Variants in PRDM16 observed in about 807,000 individuals in gnomAD.
PRDM16 encodes histone-lysine N-methyltransferase PRDM16.
Under a neutral mutation model 110.6 loss-of-function variants are expected in PRDM16, and 23 were observed. That is an observed-to-expected ratio of 0.21 (90% confidence interval 0.15 to 0.29). PRDM16 has a LOEUF of 0.29. Ranked by LOEUF, PRDM16 falls within the 10% of genes least tolerant of loss-of-function variation. The pLI, the probability that PRDM16 is intolerant of heterozygous loss-of-function variation, is 1.00. For synonymous variants in PRDM16, 799 were observed against 781.8 expected, an observed-to-expected ratio of 1.02 and a Z score of -0.37; for missense variants, 1,615 against 1,794.3, an observed-to-expected ratio of 0.90 and a Z score of 1.81.
intron 3 of PRDM16, among the ~76,000 whole-genome samples, chr1:3,360,223 G>A (rs758607282): frequency 1.2e-4 from 18 of 152,218 alleles, no homozygotes; most frequent in African/African-American, 2.9e-4. Flanking sequence ...AGCTGAGGGC[G>A]CTTGCGGGCC....
At chr1:3,090,090 A>G (rs1191882004) in intron 1 of PRDM16, among the ~76,000 whole-genome samples, 2 of 152,246 alleles carry the variant, frequency 1.3e-5, no homozygotes, top group African/African-American at 4.8e-5. Context: ...TACAAAGGCA[A>G]ACAAACCCCC....
intron 2 of PRDM16, among the ~76,000 whole-genome samples, chr1:3,217,817 C>T (rs1390447898): frequency 6.6e-6 from 1 of 152,214 alleles, no homozygotes; most frequent in Non-Finnish European, 1.5e-5. Context: ...GCGCGCTCTT[C>T]CCCCTAGAAG....
chr1:3,292,224 C>G (rs961335209), intron 3 of PRDM16, among the ~76,000 whole-genome samples: 2 of 152,182 alleles, frequency 1.3e-5, no homozygotes, highest in African/African-American at 2.4e-5. Context: ...AGGAACCTGC[C>G]GTGGCCCGGC....
At chr1:3,420,332 C>T (rs1308633481) in intron 12 of PRDM16, among the ~76,000 whole-genome samples, 4 of 152,176 alleles carry the variant, frequency 2.6e-5, no homozygotes, top group Non-Finnish European at 5.9e-5. Context: ...GGGAAAGTGC[C>T]GGCCATCCCC....
At chr1:3,142,510 A>T (rs990295978) in intron 1 of PRDM16, among the ~76,000 whole-genome samples, 17 of 151,784 alleles carry the variant, frequency 1.1e-4, no homozygotes, top group Admixed American at 1.3e-4. Flanking sequence ...GTCGAACGGG[A>T]TGCACAAAAG....
chr1:3,423,353 G>A (rs1557668437), intron 12 of PRDM16, among the ~76,000 whole-genome samples: 2 of 152,214 alleles, frequency 1.3e-5, no homozygotes, highest in African/African-American at 4.8e-5. Context: ...CCCGGCAGCA[G>A]CACCCGGAAG....
intron 1 of PRDM16, among the ~76,000 whole-genome samples, chr1:3,181,008 G>T (rs1015861645): frequency 1.5e-5 from 2 of 137,416 alleles, no homozygotes; most frequent in Admixed American, 7.1e-5. Context: ...TCTTACACGC[G>T]GTCTTACAAA....
At position 3,350,065 on chromosome 1, in the gene PRDM16, G is replaced by T. The variant is rs554578501; in HGVS notation, c.439-35087G>T. On this transcript the variant is annotated intron_variant, in intron 3 of 16. Coordinates refer to ENST00000270722, the MANE Select transcript of PRDM16 (RefSeq NM_022114.4). This position sits in a 1 kb window ranked among gnomAD's most constrained non-coding sequence, Gnocchi z 7.1. The stretch of plus-strand genomic sequence containing the variant: ...GGGCAGAAAAGACCTGGGGCCAGGT[G>T]CAGTGGCCCAAAATCCCAGCACCTT... Among the ~76,000 whole-genome samples the T allele has an allele frequency of 6.6e-6, 1 of 152,342 alleles. No individual in the cohort carries two copies. The highest frequency in any genetic ancestry group is 2.4e-5 in the African/African-American group (1 of 41,580).
intron 4 of PRDM16, among the ~76,000 whole-genome samples, chr1:3,391,815 G>A (rs1222879869): frequency 1.3e-5 from 2 of 152,212 alleles, no homozygotes; most frequent in Admixed American, 6.5e-5. Context: ...AATTGAGGCC[G>A]GCCAGAGGCA....
chr1:3,107,548 T>G (rs1162830399), intron 1 of PRDM16, among the ~76,000 whole-genome samples: 1 of 152,240 alleles, frequency 6.6e-6, no homozygotes, highest in Non-Finnish European at 1.5e-5. Context: ...ACCGCCATCC[T>G]CATCTCAGAG....
intron 8 of PRDM16, among the ~76,000 whole-genome samples, chr1:3,409,181 G>A (rs1165058856): frequency 6.6e-6 from 1 of 151,526 alleles, no homozygotes; most frequent in Non-Finnish European, 1.5e-5. Flanking sequence ...ACGTGAGTTG[G>A]TGCGTGTGTG....
chr1:3,081,630 C>A lies in PRDM16; in HGVS notation c.37+12334C>A, dbSNP rs1216659316. ...GTGAGCACGGGGGGTGAGCAGTGGG[C>A]AGCTCCAGGAAGCCTTGCTGTGGAC... On this transcript the variant is annotated intron_variant, in intron 1 of 16. Transcript: ENST00000270722. The surrounding 1 kb of genome is among the most constrained non-coding windows in gnomAD (Gnocchi z 4.6). Among the ~76,000 whole-genome samples, 2 of 152,174 alleles carry A rather than the reference C, an allele frequency of 1.3e-5. No individual in the cohort carries two copies. The highest frequency in any genetic ancestry group is 4.8e-5 in the African/African-American group (2 of 41,442).
chr1:3,284,005 G>A (rs1385418535), intron 3 of PRDM16, among the ~76,000 whole-genome samples: 4 of 152,204 alleles, frequency 2.6e-5, no homozygotes, highest in African/African-American at 9.6e-5. Flanking sequence ...CCTGGCCTGT[G>A]GTCCTGGCTG....
At chr1:3,292,917 T>G (rs1641008697) in intron 3 of PRDM16, among the ~76,000 whole-genome samples, 2 of 152,218 alleles carry the variant, frequency 1.3e-5, no homozygotes, top group Non-Finnish European at 1.5e-5. Context: ...GAAGAGGCAC[T>G]GGTCTTTTCC....
intron 3 of PRDM16, among the ~76,000 whole-genome samples, chr1:3,275,584 C>G (rs1255583392): frequency 1.3e-5 from 2 of 152,178 alleles, no homozygotes; most frequent in African/African-American, 4.8e-5. Flanking sequence ...CAGCACTCCT[C>G]GGTGGGGGCA....
At chr1:3,391,116 G>T (rs112133421) in intron 4 of PRDM16, among the ~76,000 whole-genome samples, 3 of 152,278 alleles carry the variant, frequency 2.0e-5, no homozygotes, top group African/African-American at 7.2e-5. Context: ...GATGACAGGC[G>T]TGAGCCACCG....
intron 3 of PRDM16, among the ~76,000 whole-genome samples, chr1:3,363,473 G>A (rs1642752614): frequency 6.6e-6 from 1 of 152,178 alleles, no homozygotes; most frequent in Non-Finnish European, 1.5e-5. Context: ...CGGGGGAGCT[G>A]GGACTTGGAA....
chr1:3,172,602 A>G (rs1011047897), intron 1 of PRDM16, among the ~76,000 whole-genome samples: 2 of 151,008 alleles, frequency 1.3e-5, no homozygotes, highest in Admixed American at 6.6e-5. Context: ...ACATGCCTGG[A>G]CTATTAGCCC....
intron 2 of PRDM16, among the ~76,000 whole-genome samples, chr1:3,186,872 G>A (rs1031019437): frequency 2.8e-4 from 43 of 152,292 alleles, no homozygotes; most frequent in Admixed American, 2.2e-3. Context: ...GTGTGGAGCC[G>A]CTCACAAATC....
Sources: allele counts gnomAD v4.1 joint callset (sites outside exome capture counted in the v4.1 genomes callset), GRCh38; gene constraint gnomAD v4.1.1; non-coding constraint Gnocchi (gnomAD v3.1); transcripts MANE v1.5; gene names NCBI Gene and HGNC (gene_info 2026-07-23, HGNC 2026-07-21).